LRRC4C: variants seen among roughly 807,000 people sequenced by gnomAD.
LRRC4C encodes the protein leucine-rich repeat-containing protein 4C.
Under a neutral mutation model 33.6 loss-of-function variants are expected in LRRC4C, and 5 were observed. The ratio of observed to expected loss-of-function variants is 0.15; its 90% CI spans 0.08 to 0.31. LRRC4C has a LOEUF of 0.31. Ranked by LOEUF, LRRC4C falls within the 10% of genes least tolerant of loss-of-function variation. The probability of loss-of-function intolerance (pLI) is 1.00; values close to 1 mark genes in which losing one functional copy is unlikely to be tolerated. For synonymous variants in LRRC4C, 329 were observed against 302.0 expected (o/e 1.09, Z -0.93); for missense variants, 560 against 796.7 (o/e 0.70, Z 3.58).
At chr11:40,474,492 C>A (rs1202080931) in intron 3 of LRRC4C, among the ~76,000 whole-genome samples, 1 of 152,112 alleles carries the variant, frequency 6.6e-6, no homozygotes, top group Admixed American at 6.6e-5. Context: ...TGAATAAAAT[C>A]TAGGCAATAC....
intron 2 of LRRC4C, among the ~76,000 whole-genome samples, chr11:40,862,734 T>A (rs545219115): frequency 6.6e-6 from 1 of 152,286 alleles, no homozygotes; most frequent in South Asian, 2.1e-4. Context: ...CCTGATTCTG[T>A]CACCTAGACC....
chr11:40,907,880 T>C (rs972552657), intron 2 of LRRC4C, among the ~76,000 whole-genome samples: 4 of 152,186 alleles, frequency 2.6e-5, no homozygotes, highest in African/African-American at 7.2e-5. Context: ...TTGGAAACCC[T>C]GTCAAAAAGA....
At position 40,711,365 on chromosome 11, in the gene LRRC4C, G is replaced by T. The variant is rs532543605; in HGVS notation, c.-406-63087C>A. ...CAGATTTTACAACACCCAAGTCCAT[G>T]ACCTTATTTTGGTATACTCATACCC... is the stretch of plus-strand genomic sequence containing the variant. On this transcript the variant is annotated intron_variant, in intron 2 of 6. Coordinates refer to ENST00000528697, the MANE Select transcript of LRRC4C (RefSeq NM_001258419.2). 2.3e-4 allele frequency among the ~76,000 whole-genome samples: 35 copies of T among 152,270 alleles called. No individual in the cohort carries two copies. The South Asian group carries it at 7.3e-3, about 32-fold the overall frequency.
chr11:40,672,781 T>C (rs9943487), intron 2 of LRRC4C, among the ~76,000 whole-genome samples: 2 of 152,168 alleles, frequency 1.3e-5, no homozygotes, highest in African/African-American at 4.8e-5. Context: ...GAATAACATC[T>C]CAGTCAAATC....
intron 2 of LRRC4C, among the ~76,000 whole-genome samples, chr11:40,725,612 A>T (rs767465756): frequency 2.6e-5 from 4 of 152,134 alleles, no homozygotes; most frequent in Non-Finnish European, 5.9e-5. Flanking sequence ...CTTCATAATA[A>T]TCTCATTATA....
At chr11:40,775,741 G>A (rs575636611) in intron 2 of LRRC4C, among the ~76,000 whole-genome samples, 1 of 152,220 alleles carries the variant, frequency 6.6e-6, no homozygotes. Context: ...TTTGACTTTT[G>A]CTTTTTCTAT....
At chr11:41,181,889 C>A (rs528447393) in intron 1 of LRRC4C, among the ~76,000 whole-genome samples, 2 of 152,148 alleles carry the variant, frequency 1.3e-5, no homozygotes, top group African/African-American at 4.8e-5. Flanking sequence ...TAATGAATTT[C>A]TTTTAAAGAG....
At chr11:41,110,364 A>C (rs975281754) in intron 1 of LRRC4C, among the ~76,000 whole-genome samples, 1 of 152,138 alleles carries the variant, frequency 6.6e-6, no homozygotes, top group Non-Finnish European at 1.5e-5. Context: ...ACTTTACATT[A>C]ATCACATTTT....
chr11:41,392,582 C>T (rs1292334084), intron 1 of LRRC4C, among the ~76,000 whole-genome samples: 1 of 151,358 alleles, frequency 6.6e-6, no homozygotes, highest in Non-Finnish European at 1.5e-5. Flanking sequence ...AACATCGTTA[C>T]CTAGAACTTA....
chr11:41,442,163 T>TTTA, intron 1 of LRRC4C, among the ~76,000 whole-genome samples: 1 of 152,230 alleles, frequency 6.6e-6, no homozygotes, highest in East Asian at 1.9e-4. Flanking sequence ...TATAAATAAT[T>TTTA]TTATTAGCAT....
intron 1 of LRRC4C, among the ~76,000 whole-genome samples, chr11:41,311,763 T>A (rs143408238): frequency 6.6e-6 from 1 of 152,328 alleles, no homozygotes; most frequent in African/African-American, 2.4e-5. Context: ...ATGTAAAGCA[T>A]GTAAGATAAA....
At chr11:40,234,557 C>T (rs1865426596) in intron 5 of LRRC4C, among the ~76,000 whole-genome samples, 1 of 152,086 alleles carries the variant, frequency 6.6e-6, no homozygotes, top group Non-Finnish European at 1.5e-5. Context: ...TCACTGGAGC[C>T]TAGGAGTTCT....
At chr11:40,619,679 G>C (rs749470591) in intron 3 of LRRC4C, among the ~76,000 whole-genome samples, 1 of 151,510 alleles carries the variant, frequency 6.6e-6, no homozygotes, top group Non-Finnish European at 1.5e-5. Flanking sequence ...TAGTGTTTAC[G>C]ACCTATTGTC....
At chr11:40,515,032 A>G (rs1055827621) in intron 3 of LRRC4C, among the ~76,000 whole-genome samples, 1 of 152,092 alleles carries the variant, frequency 6.6e-6, no homozygotes, top group African/African-American at 2.4e-5. Context: ...AAGAAGTGAA[A>G]ATGATTCAAT....
intron 3 of LRRC4C, among the ~76,000 whole-genome samples, chr11:40,631,812 C>A (rs1006677692): frequency 2.0e-5 from 3 of 152,100 alleles, no homozygotes. Flanking sequence ...GCATGTAAGG[C>A]ATATTTGTGC....
chr11:40,580,165 A>G (rs1958406330), intron 3 of LRRC4C, among the ~76,000 whole-genome samples: 1 of 152,074 alleles, frequency 6.6e-6, no homozygotes, highest in African/African-American at 2.4e-5. Context: ...AAATTCCCCG[A>G]AACTGAATAA....
At chr11:41,459,120 G>C (rs1031833063) in intron 1 of LRRC4C, among the ~76,000 whole-genome samples, 1 of 152,070 alleles carries the variant, frequency 6.6e-6, no homozygotes, top group Non-Finnish European at 1.5e-5. Flanking sequence ...CAAATTTAGA[G>C]AGTATTGCAA....
intron 3 of LRRC4C, among the ~76,000 whole-genome samples, chr11:40,619,718 C>T (rs1010805928): frequency 4.0e-5 from 6 of 151,528 alleles, no homozygotes; most frequent in African/African-American, 1.5e-4. Context: ...TATGTTTTTG[C>T]TTTTTCTCCC....
chr11:40,170,078 CAG>C (rs1273952612), intron 5 of LRRC4C, among the ~76,000 whole-genome samples: 8 of 152,250 alleles, frequency 5.3e-5, no homozygotes, highest in Non-Finnish European at 8.8e-5. Flanking sequence ...TATTAAAACA[CAG>C]AGTTCTATTT....
Sources: gnomAD v4.1 joint callset for allele counts (sites outside exome capture counted in the v4.1 genomes callset) on GRCh38, gnomAD v4.1.1 for gene constraint, MANE v1.5 for transcripts, NCBI Gene and HGNC (gene_info 2026-07-23, HGNC 2026-07-21) for gene names.